Variants in FER observed in about 807,000 individuals in gnomAD.
FER encodes FER tyrosine kinase.
Under a neutral mutation model 111.0 loss-of-function variants are expected in FER, and 63 were observed. That is an observed-to-expected ratio of 0.57 (90% CI 0.46 to 0.70). The LOEUF is 0.70. Among genes scored for constraint, FER ranks in the 30% least tolerant of loss-of-function variants. The probability of loss-of-function intolerance (pLI) is 0.00; values close to 1 mark genes in which losing one functional copy is unlikely to be tolerated. For synonymous variants in FER, 327 were observed against 313.9 expected, an observed-to-expected ratio of 1.04 and a Z score of -0.44; for missense variants, 914 against 954.0, an observed-to-expected ratio of 0.96 and a Z score of 0.55.
intron 11 of FER, among the ~76,000 whole-genome samples, chr5:108,948,764 C>T (rs1757341796): frequency 2.0e-5 from 3 of 152,014 alleles, no homozygotes; most frequent in Admixed American, 6.6e-5. Flanking sequence ...CTGAGCAAAT[C>T]GCTTGTTCCA....
rs529669209 is a variant in FER at position 108,876,287 on chromosome 5, A to G, written c.923+4075A>G. Among the ~76,000 whole-genome samples the G allele has an allele frequency of 2.6e-5, 4 of 152,332 alleles. No individual in the cohort carries two copies. The South Asian group carries it at 8.3e-4, about 32-fold the overall frequency. ...TGTTTAAATATCAGAGTACGTAAAT[A>G]AAGTTTTATTGGAACACAGCCATGC... On this transcript the variant is annotated intron_variant, in intron 8 of 19. Transcript: ENST00000281092.
At chr5:109,041,480 C>G (rs1230249801) in intron 14 of FER, among the ~76,000 whole-genome samples, 1 of 151,550 alleles carries the variant, frequency 6.6e-6, no homozygotes, top group African/African-American at 2.4e-5. Context: ...AGGAAGTAAG[C>G]TAGAAAGATA....
rs368741689 is a variant in FER at position 109,186,337 on chromosome 5, T to A, written c.2326+15T>A. On this transcript the variant is annotated intron_variant, in intron 19 of 19. Transcript: ENST00000281092. The stretch of plus-strand genomic sequence containing the variant: ...AGTAGAAAGAGGTGAGCCAAGTACA[T>A]TCATTGTTAGTGTTCATGTCCAGCC... The A allele has an allele frequency of 6.2e-7, 1 of 1,613,998 alleles. No individual in the cohort carries two copies. The highest frequency in any genetic ancestry group is 1.1e-5 in the South Asian group (1 of 91,082).
chr5:109,123,979 C>T (rs1751343325), intron 17 of FER, among the ~76,000 whole-genome samples: 1 of 152,044 alleles, frequency 6.6e-6, no homozygotes. Flanking sequence ...CCTGTAATCC[C>T]AGCACTTTGG....
At chr5:108,897,903 A>C in intron 10 of FER, 55 bp downstream of exon 10, 11 of 1,391,034 alleles carry the variant, frequency 7.9e-6, no homozygotes, top group Non-Finnish European at 1.1e-5. Flanking sequence ...CTAGGTAATA[A>C]GTGCATACAA....
At chr5:109,115,653 T>TTTTG (rs143119269) in intron 17 of FER, among the ~76,000 whole-genome samples, 27,758 of 151,226 alleles carry the variant, frequency 0.18, 2,633 homozygotes, top group Non-Finnish European at 0.2. Flanking sequence ...TTTGTGCAGT[T>TTTTG]TTTGTTTGTT....
intron 18 of FER, among the ~76,000 whole-genome samples, chr5:109,183,070 G>A (rs537241473): frequency 1.3e-5 from 2 of 152,154 alleles, no homozygotes; most frequent in African/African-American, 2.4e-5. Context: ...TTTATGAAAC[G>A]TAGAACAATT....
intron 13 of FER, among the ~76,000 whole-genome samples, chr5:108,990,954 A>G (rs1293777362): frequency 6.6e-6 from 1 of 151,768 alleles, no homozygotes; most frequent in East Asian, 1.9e-4. Flanking sequence ...GAAGCAAGAA[A>G]TAAGGCTTTG....
chr5:109,136,989 G>T (rs1186827504), intron 17 of FER, among the ~76,000 whole-genome samples: 1 of 152,170 alleles, frequency 6.6e-6, no homozygotes, highest in Non-Finnish European at 1.5e-5. Context: ...GTAACATTCA[G>T]ATAATACAGG....
At chr5:108,753,783 G>T (rs991398178) in intron 1 of FER, among the ~76,000 whole-genome samples, 1 of 152,104 alleles carries the variant, frequency 6.6e-6, no homozygotes, top group Admixed American at 6.5e-5. Flanking sequence ...AATTCTTAAA[G>T]AACATACAGT....
chr5:109,050,005 C>A (rs1490005003), intron 16 of FER, among the ~76,000 whole-genome samples: 1 of 152,078 alleles, frequency 6.6e-6, no homozygotes. Context: ...TAGGGCAAAC[C>A]CAAGAATACC....
At chr5:108,829,761 C>G (rs1287121633) in intron 3 of FER, among the ~76,000 whole-genome samples, 1 of 152,048 alleles carries the variant, frequency 6.6e-6, no homozygotes, top group Non-Finnish European at 1.5e-5. Context: ...CCTCTTGTCT[C>G]AAACATCACA....
Position 108,883,486 on chromosome 5 carries a change from A to G in FER, c.1014A>G (p.Glu338=), listed in dbSNP as rs2150287019. The change falls in exon 9 of 20, where the codon GAA becomes GAG. Residue 338 remains glutamate, a synonymous_variant. Coordinates refer to ENST00000281092, the MANE Select transcript of FER (RefSeq NM_005246.4). ...TTTTGGAGTTAGAGAAGAGAATTGA[A>G]GAATCTTCTGAAACTTGTGAGAAGA... is the stretch of plus-strand genomic sequence containing the variant. ...EAVLELEKRI[E]ESSETCEKKS... is the part of the protein sequence containing the mutation. 1 of 1,606,760 alleles carries G rather than the reference A, an allele frequency of 6.2e-7. No homozygotes were observed. The highest frequency in any genetic ancestry group is 1.1e-5 in the South Asian group (1 of 90,250).
At chr5:108,837,300 A>G (rs961538028) in intron 5 of FER, among the ~76,000 whole-genome samples, 2 of 152,200 alleles carry the variant, frequency 1.3e-5, no homozygotes, top group Non-Finnish European at 2.9e-5. Context: ...CAGGCATTCA[A>G]GGAGCTTACA....
In FER at chr5:109,108,780, C is replaced by G. The variant is rs533476641; in HGVS notation, c.2048+8261C>G. 2.6e-5 allele frequency among the ~76,000 whole-genome samples: 4 copies of G among 152,242 alleles called. No individual in the cohort carries two copies. The South Asian group carries it at 8.3e-4, about 32-fold the overall frequency. On this transcript the variant is annotated intron_variant, in intron 17 of 19. Transcript: ENST00000281092. ...GGAATTCATCAGAACATAGATGACG[C>G]AGAAACAAGTTTGACCTTCTGGCTT...
intron 17 of FER, among the ~76,000 whole-genome samples, chr5:109,103,033 A>G (rs1242719836): frequency 1.3e-5 from 2 of 152,116 alleles, no homozygotes; most frequent in Admixed American, 6.6e-5. Context: ...AGGATTTACT[A>G]CAGTGAACAG....
At chr5:109,065,850 A>G (rs192222931) in intron 16 of FER, among the ~76,000 whole-genome samples, 3 of 152,358 alleles carry the variant, frequency 2.0e-5, no homozygotes, top group East Asian at 1.9e-4. Context: ...GTGTATTTCA[A>G]TTCCAGAGAG....
intron 3 of FER, among the ~76,000 whole-genome samples, chr5:108,810,058 TTTTTCTTTTTTCTTTC>T (rs575980849): frequency 0.012 from 1,758 of 152,280 alleles, 26 homozygotes; most frequent in Non-Finnish European, 0.018. Flanking sequence ...CAGGTAGGAA[TTTTTCTTTTTTCTTTC>T]TTTTCTTGTG....
intron 17 of FER, among the ~76,000 whole-genome samples, chr5:109,167,371 A>G (rs1407964255): frequency 6.6e-6 from 1 of 152,170 alleles, no homozygotes; most frequent in African/African-American, 2.4e-5. Context: ...TCAGTCAATA[A>G]CCATAGAATG....
Sources: allele counts gnomAD v4.1 joint callset (sites outside exome capture counted in the v4.1 genomes callset), GRCh38; gene constraint gnomAD v4.1.1; transcripts MANE v1.5; gene names NCBI Gene and HGNC (gene_info 2026-07-23, HGNC 2026-07-21).